Variants in ZC3H14 observed in about 807,000 individuals in gnomAD.
ZC3H14 encodes the protein zinc finger CCCH domain-containing protein 14.
Under a neutral mutation model 92.4 loss-of-function variants are expected in ZC3H14, and 31 were observed. The ratio of observed to expected loss-of-function variants is 0.34; its 90% CI spans 0.25 to 0.45. The LOEUF is 0.45. Ranked by LOEUF, ZC3H14 falls within the 20% of genes least tolerant of loss-of-function variation. The pLI, the probability that ZC3H14 is intolerant of heterozygous loss-of-function variation, is 1.00. For missense variants in ZC3H14, 781 were observed against 897.3 expected, an observed-to-expected ratio of 0.87 and a Z score of 1.66; for synonymous variants, 321 against 300.9, an observed-to-expected ratio of 1.07 and a Z score of -0.69.
chr14:88,621,894 CT>C lies in ZC3H14; in HGVS notation c.*10145del. On this transcript the variant is annotated 3_prime_UTR_variant, in exon 17 of 17. Transcript: ENST00000251038. Reference sequence around the variant, plus strand: ...GTGATGGAAACTTTCAAAATCCTCTCTTGTAAATACCTGAAAATACATAAAT... The same window carrying C: ...GTGATGGAAACTTTCAAAATCCTCTCTGTAAATACCTGAAAATACATAAAT... 1 of 456,452 alleles carries C rather than the reference CT, an allele frequency of 2.2e-6. No individual in the cohort carries two copies. The highest frequency in any genetic ancestry group is 2.4e-5 in the Admixed American group (1 of 42,536). The allele number at this position is 456,452 out of a possible 1,614,324, so 28.3% of individuals were successfully genotyped here. A position where few individuals can be genotyped will look rare whatever the true frequency, so the allele number is the denominator to read the frequency against.
intron 12 of ZC3H14, among the ~76,000 whole-genome samples, chr14:88,605,322 C>A (rs141640492): frequency 6.6e-6 from 1 of 152,266 alleles, no homozygotes; most frequent in East Asian, 1.9e-4. Flanking sequence ...TATCTTAGAA[C>A]TAAAATGACT....
At position 88,563,715 on chromosome 14, in the gene ZC3H14, A is replaced by C. The variant is rs765852723; in HGVS notation, c.79+22A>C. 5.6e-6 allele frequency: 9 copies of C among 1,608,696 alleles called. No individual in the cohort carries two copies. In the East Asian group the frequency reaches 1.8e-4, roughly 32 times the overall value. On this transcript the variant is annotated intron_variant, in intron 2 of 16. Transcript: ENST00000251038. ...GTTGGTAAGTGTTTTTTTGGTTGTT[A>C]GTCTTACAGAATTTAGAGTTTGCAG...
rs370316955 is a variant in ZC3H14, at chr14:88,572,979, G to A, written c.833G>A (p.Arg278Lys). The A allele has an allele frequency of 5.6e-6, 9 of 1,613,914 alleles. No homozygotes were observed. The highest frequency in any genetic ancestry group is 7.6e-6 in the Non-Finnish European group (9 of 1,180,030). ...GAAGAAACGTATAGTCCGTTCTTTA[G>A]AAACAACTCGGAGAAAATGAGTATG... is the stretch of plus-strand genomic sequence containing the variant. ...SLEETYSPFF[R>K]NNSEKMSMED... Residue 278 changes from arginine to lysine, a missense_variant, in exon 6 of 17, where the codon AGA becomes AAA. By Grantham distance (26) the Arg-to-Lys change is conservative (BLOSUM62 2). Coordinates refer to ENST00000251038, the MANE Select transcript of ZC3H14 (RefSeq NM_024824.5).
intron 10 of ZC3H14, among the ~76,000 whole-genome samples, chr14:88,600,045 C>G (rs1414236714): frequency 1.3e-5 from 2 of 152,238 alleles, no homozygotes; most frequent in Non-Finnish European, 2.9e-5. Context: ...ACCTACAGGT[C>G]AAATCTGAAT....
chr14:88,569,363 T>C (rs1454476970), intron 3 of ZC3H14, among the ~76,000 whole-genome samples: 1 of 152,224 alleles, frequency 6.6e-6, no homozygotes, highest in Non-Finnish European at 1.5e-5. Context: ...ATAATTGTAG[T>C]GTAATGTTAC....
chr14:88,611,664 G>T, intron 16 of ZC3H14, 81 bp from the exon 17 acceptor site: 2 of 1,553,176 alleles, frequency 1.3e-6, no homozygotes, highest in Non-Finnish European at 1.8e-6. Context: ...CTTAAAACTA[G>T]TCAACTTTTT....
chr14:88,627,084 G>A lies in ZC3H14; in HGVS notation c.*15333G>A, dbSNP rs774461516. The A allele has an allele frequency of 1.3e-6, 2 of 1,593,294 alleles. No individual in the cohort carries two copies. The highest frequency in any genetic ancestry group is 1.3e-5 in the African/African-American group (1 of 74,456). ...AACAAAATTATCTAGGTTATTACAA[G>A]AACCAAGCTAATCAACAGCATCAAA... On this transcript the variant is annotated 3_prime_UTR_variant, in exon 17 of 17. Transcript: ENST00000251038.
At chr14:88,570,926 G>C (rs950320403) in intron 3 of ZC3H14, among the ~76,000 whole-genome samples, 158 bp from the exon 4 acceptor site, 2 of 151,888 alleles carry the variant, frequency 1.3e-5, no homozygotes, top group African/African-American at 4.8e-5. Flanking sequence ...GACCAGCCTG[G>C]ACAACACAGT....
chr14:88,626,919 T>A lies in ZC3H14; in HGVS notation c.*15168T>A. The A allele has an allele frequency of 1.9e-6, 3 of 1,614,002 alleles. No homozygotes were observed. The highest frequency in any genetic ancestry group is 2.5e-6 in the Non-Finnish European group (3 of 1,179,876). On this transcript the variant is annotated 3_prime_UTR_variant, in exon 17 of 17. Coordinates refer to ENST00000251038, the MANE Select transcript of ZC3H14 (RefSeq NM_024824.5). ...GTAGCCCTTTTTTGCTAAGAAGAGC[T>A]CTTCCTGCCAGGGTCCAGAACTTCA...
At chr14:88,594,385 T>G (rs978294014) in intron 9 of ZC3H14, 1 of 1,060,184 alleles carries the variant, frequency 9.4e-7, no homozygotes, top group South Asian at 3.5e-5. Flanking sequence ...AGGATTATTT[T>G]GTATGTAATA....
chr14:88,579,274 A>C (rs2081584781), intron 9 of ZC3H14, among the ~76,000 whole-genome samples: 1 of 152,114 alleles, frequency 6.6e-6, no homozygotes, highest in Non-Finnish European at 1.5e-5. Context: ...TGTATTGTTC[A>C]GTTTGCCATG....
At chr14:88,599,600 C>G (rs2084321341) in intron 10 of ZC3H14, among the ~76,000 whole-genome samples, 1 of 152,208 alleles carries the variant, frequency 6.6e-6, no homozygotes, top group African/African-American at 2.4e-5. Context: ...CCCATACTTT[C>G]TCCAAGCTTT....
At position 88,622,958 on chromosome 14, in the gene ZC3H14, G is replaced by A. The variant is rs754535400; in HGVS notation, c.*11207G>A. On this transcript the variant is annotated 3_prime_UTR_variant, in exon 17 of 17. Transcript: ENST00000251038. ...GAGAAATACTCTTTTTTTCTGACATGAGCATAATTTTATTTAGCCTCTACA... is the reference window on the plus strand; with the variant it reads ...GAGAAATACTCTTTTTTTCTGACATAAGCATAATTTTATTTAGCCTCTACA... 5.6e-6 allele frequency: 2 copies of A among 356,916 alleles called. No homozygotes were observed. Among genetic ancestry groups the A allele is most frequent in the Non-Finnish European group, 1.0e-5 (2 of 199,932 alleles). 22.1% of individuals were successfully genotyped at this position (356,916 alleles called of 1,614,324 possible). A position where few individuals can be genotyped will look rare whatever the true frequency, so the allele number is the denominator to read the frequency against.
intron 13 of ZC3H14, 172 bp from the exon 14 acceptor site, chr14:88,609,095 G>T: frequency 1.3e-6 from 1 of 780,786 alleles, no homozygotes; most frequent in Non-Finnish European, 2.0e-6. Context: ...TGGAATAAAT[G>T]ATTGTGTCCT....
chr14:88,601,416 C>T (rs1398829748), intron 10 of ZC3H14, among the ~76,000 whole-genome samples: 1 of 152,166 alleles, frequency 6.6e-6, no homozygotes, highest in Non-Finnish European at 1.5e-5. Context: ...GTCCATTCAC[C>T]TTTCAGTTAC....
intron 2 of ZC3H14, among the ~76,000 whole-genome samples, chr14:88,566,041 G>C (rs1453609341): frequency 0.015 from 124 of 8,514 alleles, 9 homozygotes; most frequent in African/African-American, 0.054. Context: ...CCCCCCCCCC[G>C]GCTAATTTTT....
chr14:88,583,142 T>TA (rs1204410633), intron 9 of ZC3H14, among the ~76,000 whole-genome samples: 8 of 151,484 alleles, frequency 5.3e-5, no homozygotes, highest in African/African-American at 1.9e-4. Flanking sequence ...TTTTTATTTT[T>TA]TTTTTTTAAG....
intron 9 of ZC3H14, among the ~76,000 whole-genome samples, chr14:88,593,943 G>A (rs117872622): frequency 0.011 from 1,678 of 151,564 alleles, 21 homozygotes; most frequent in Non-Finnish European, 0.018. Flanking sequence ...AGAAACACCT[G>A]TCTAATAATG....
intron 3 of ZC3H14, among the ~76,000 whole-genome samples, chr14:88,569,600 C>T (rs1470772628): frequency 6.6e-6 from 1 of 152,070 alleles, no homozygotes; most frequent in Non-Finnish European, 1.5e-5. Flanking sequence ...CTTTATTAGG[C>T]TTCTCAGGCT....
Sources: allele counts gnomAD v4.1 joint callset (sites outside exome capture counted in the v4.1 genomes callset), GRCh38; gene constraint gnomAD v4.1.1; transcripts MANE v1.5; gene names NCBI Gene and HGNC (gene_info 2026-07-23, HGNC 2026-07-21).